Variants in SYTL5 observed in about 807,000 individuals in gnomAD.
SYTL5 encodes the protein synaptotagmin-like protein 5.
SYTL5 carries 34 observed loss-of-function variants against 55.9 expected under a neutral mutation model. That is an observed-to-expected ratio of 0.61 (90% confidence interval 0.46 to 0.81). The LOEUF (loss-of-function observed/expected upper bound fraction) is 0.81, where lower values mean the gene tolerates loss of function less well. SYTL5 is among the 30% of genes least tolerant of loss of function. The pLI, the probability that SYTL5 is intolerant of heterozygous loss-of-function variation, is 0.00. For synonymous variants in SYTL5, 221 were observed against 188.7 expected, an observed-to-expected ratio of 1.17 and a Z score of -1.40; for missense variants, 637 against 546.7, an observed-to-expected ratio of 1.17 and a Z score of -1.65.
chrX:38,013,990 C>G (rs1209852646), intron 1 of SYTL5, among the ~76,000 whole-genome samples: 1 of 111,418 alleles, frequency 9.0e-6, no homozygotes. Context: ...TCATTTTCCT[C>G]TCTACCCTCT....
rs747208837 is a variant in SYTL5, at chrX:38,122,146, T to C, written c.1772T>C (p.Val591Ala). The change falls in exon 15 of 17, where the codon GTG (valine) becomes GCG (alanine). Residue 591 changes from valine (V) to alanine (A), a missense_variant. By Grantham distance (64) the Val-to-Ala change is moderately conservative. Transcript: ENST00000297875. ...SPVISGGILE[V>A]FIKEAKNLTA... ...GTAATCTCTGGAGGAATACTAGAAG[T>C]GTTCATCAAAGAGGCAAAGAATTTG... is the stretch of plus-strand genomic sequence containing the variant. 5.8e-6 allele frequency: 7 copies of C among 1,205,044 alleles called. No homozygotes were observed. The highest frequency in any genetic ancestry group is 6.7e-6 in the Non-Finnish European group (6 of 891,448).
intron 2 of SYTL5, among the ~76,000 whole-genome samples, chrX:38,047,204 G>A (rs1176859253): frequency 8.9e-6 from 1 of 112,515 alleles, no homozygotes; most frequent in African/African-American, 3.2e-5. Flanking sequence ...TCTGTGTGGG[G>A]CTCCATCCCC....
intron 2 of SYTL5, among the ~76,000 whole-genome samples, chrX:38,049,730 G>T (rs1935572412): frequency 8.9e-6 from 1 of 111,977 alleles, no homozygotes; most frequent in African/African-American, 3.2e-5. Context: ...AGTATAGCTA[G>T]ATGTTCCACT....
intron 13 of SYTL5, among the ~76,000 whole-genome samples, chrX:38,117,772 A>G (rs753361749): frequency 9.0e-6 from 1 of 111,438 alleles, no homozygotes; most frequent in African/African-American, 3.3e-5. Flanking sequence ...CAGCTGGAGC[A>G]CCTACATGCG....
At chrX:38,106,385 T>A (rs1417473344) in intron 10 of SYTL5, among the ~76,000 whole-genome samples, 1 of 112,018 alleles carries the variant, frequency 8.9e-6, no homozygotes, top group Non-Finnish European at 1.9e-5. Flanking sequence ...TTCTGCCTTT[T>A]TTCCTGATGG....
rs759100775 is a variant in SYTL5 at position 38,125,461 on chromosome X, T to C, written c.2005T>C (p.Ser669Pro). ...ELTIWDKEAF[S>P]SNIFLGGVRL... ...TACTATCTGGGACAAGGAGGCCTTT[T>C]CCAGCAACATCTTTCTGGGAGGAGT... Residue 669 changes from serine to proline, a missense_variant, in exon 16 of 17, where the codon TCC (serine) becomes CCC (proline). Transcript: ENST00000297875. 18 of 1,210,184 alleles carry C rather than the reference T, an allele frequency of 1.5e-5. No homozygotes were observed. The highest frequency in any genetic ancestry group is 1.2e-5 in the Non-Finnish European group (11 of 895,140).
At chrX:37,916,252 T>A in the SYTL5 span, among the ~76,000 whole-genome samples, 1 of 112,007 alleles carries the variant, frequency 8.9e-6, no homozygotes, top group Non-Finnish European at 1.9e-5. Context: ...GAGTCTTGTT[T>A]CATTTAAGAC....
chrX:37,897,408 G>A, the SYTL5 span, among the ~76,000 whole-genome samples: 3 of 107,140 alleles, frequency 2.8e-5, no homozygotes, highest in Non-Finnish European at 5.8e-5. Flanking sequence ...ACTTGAATCC[G>A]GGAAGCAGAG....
chrX:37,975,046 A>T, the SYTL5 span, among the ~76,000 whole-genome samples: 1 of 112,260 alleles, frequency 8.9e-6, no homozygotes, highest in East Asian at 2.8e-4. Context: ...GTTACTTCCA[A>T]AAATCACCAT....
chrX:38,120,023 C>A (rs780809943), intron 13 of SYTL5, among the ~76,000 whole-genome samples: 28 of 112,192 alleles, frequency 2.5e-4, no homozygotes, highest in African/African-American at 9.1e-4. Flanking sequence ...TTCTTCATAT[C>A]CCAAACTATA....
At chrX:38,091,829 A>C (rs1255786199) in intron 7 of SYTL5, among the ~76,000 whole-genome samples, 2 of 111,228 alleles carry the variant, frequency 1.8e-5, no homozygotes, top group African/African-American at 6.6e-5. Context: ...AATACCCTCA[A>C]AACTAACAGC....
the SYTL5 span, among the ~76,000 whole-genome samples, chrX:38,000,292 C>CT: frequency 8.9e-6 from 1 of 112,212 alleles, no homozygotes; most frequent in Non-Finnish European, 1.9e-5. Context: ...CTGACATTGT[C>CT]TTAAATGTGG....
the SYTL5 span, among the ~76,000 whole-genome samples, chrX:37,913,648 G>A: frequency 6.2e-5 from 7 of 112,202 alleles, no homozygotes; most frequent in African/African-American, 2.3e-4. Context: ...AGGCCCAAGA[G>A]CCAACCCTTG....
In SYTL5 at chrX:38,054,210, C is replaced by T. The variant is rs368712030; in HGVS notation, c.120-3C>T. ...AGTGATTTTTTTTCCCCTCTTCTTT[C>T]AGGAAGCTGAAAAATGAACTCTTAG... On this transcript the variant is annotated splice_polypyrimidine_tract_variant and splice_region_variant and intron_variant, in intron 2 of 16. Coordinates refer to ENST00000297875, the MANE Select transcript of SYTL5 (RefSeq NM_138780.3). 1.7e-6 allele frequency: 2 copies of T among 1,200,192 alleles called. No individual in the cohort carries two copies. The highest frequency in any genetic ancestry group is 3.5e-5 in the African/African-American group (2 of 57,441).
At chrX:38,023,454 C>T (rs1934633564) in intron 1 of SYTL5, among the ~76,000 whole-genome samples, 1 of 111,841 alleles carries the variant, frequency 8.9e-6, no homozygotes, top group Non-Finnish European at 1.9e-5. Flanking sequence ...CAACTCTCAT[C>T]TTCATATGCA....
the SYTL5 span, among the ~76,000 whole-genome samples, chrX:37,998,706 C>T: frequency 1.8e-5 from 2 of 111,893 alleles, no homozygotes; most frequent in African/African-American, 6.5e-5. Context: ...CCAGCAGGAC[C>T]GAGCACAACT....
rs1393114545 is a variant in SYTL5, at chrX:38,055,785, A to G, written c.329+1363A>G. ...CACAAAAGTGATCCTGAATAGAGCA[A>G]TTCAAACTATGTTTTAATACTGGAT... On this transcript the variant is annotated intron_variant, in intron 3 of 16. Coordinates refer to ENST00000297875, the MANE Select transcript of SYTL5 (RefSeq NM_138780.3). 3.6e-5 allele frequency among the ~76,000 whole-genome samples: 4 copies of G among 112,074 alleles called. No homozygotes were observed. In the East Asian group the frequency reaches 1.1e-3, roughly 31 times the overall value.
intron 9 of SYTL5, among the ~76,000 whole-genome samples, chrX:38,098,430 A>G (rs969985622): frequency 2.7e-5 from 3 of 111,395 alleles, no homozygotes; most frequent in Non-Finnish European, 3.8e-5. Flanking sequence ...AATGCCTAAT[A>G]GCTGCATTAA....
chrX:38,091,474 A>C (rs1936798087), intron 7 of SYTL5, among the ~76,000 whole-genome samples: 1 of 111,535 alleles, frequency 9.0e-6, no homozygotes, highest in Non-Finnish European at 1.9e-5. Flanking sequence ...CTTAGTGACC[A>C]GTCTGGCAGG....
Sources: allele counts gnomAD v4.1 joint callset (sites outside exome capture counted in the v4.1 genomes callset), GRCh38; gene constraint gnomAD v4.1.1; transcripts MANE v1.5; gene names NCBI Gene and HGNC (gene_info 2026-07-23, HGNC 2026-07-21).